The following NSUN3 variants were observed in gnomAD, a reference collection of about 807,000 sequenced individuals.
NSUN3 encodes tRNA (cytosine(34)-C(5))-methyltransferase, mitochondrial.
NSUN3 carries 24 observed loss-of-function variants against 36.8 expected under a neutral mutation model. That is an observed-to-expected ratio of 0.65 (90% confidence interval 0.47 to 0.92). The LOEUF is 0.92. NSUN3 is among the 40% of genes least tolerant of loss of function. NSUN3 has a pLI of 0.00. For missense variants in NSUN3, 381 were observed against 392.8 expected (o/e 0.97, Z 0.25); for synonymous variants, 146 against 145.2 (o/e 1.01, Z -0.04).
chr3:94,087,719 G>A (rs1482579846), intron 3 of NSUN3, among the ~76,000 whole-genome samples: 1 of 152,146 alleles, frequency 6.6e-6, no homozygotes. Flanking sequence ...TGCTCAGGCT[G>A]GAGTGCAGTG....
intron 5 of NSUN3, among the ~76,000 whole-genome samples, chr3:94,096,221 T>C (rs2077338821): frequency 6.6e-6 from 1 of 152,252 alleles, no homozygotes; most frequent in Non-Finnish European, 1.5e-5. Flanking sequence ...TTATAACCAA[T>C]ACTAATACAT....
chr3:94,098,738 G>A (rs777173681), intron 5 of NSUN3, among the ~76,000 whole-genome samples: 3 of 152,114 alleles, frequency 2.0e-5, no homozygotes, highest in Non-Finnish European at 4.4e-5. Flanking sequence ...TTCCTTGAGA[G>A]TTATTCTAAT....
intron 5 of NSUN3, among the ~76,000 whole-genome samples, chr3:94,105,953 G>C (rs2077387062): frequency 6.6e-6 from 1 of 151,730 alleles, no homozygotes; most frequent in South Asian, 2.1e-4. Flanking sequence ...TTGAAGTTAG[G>C]CAGGCCTAAT....
At position 94,127,669 on chromosome 3, in the gene NSUN3, C is replaced by T. The variant is rs1009494413; in HGVS notation, c.*1179C>T. 1 of 152,050 alleles carries T rather than the reference C, an allele frequency of 6.6e-6. No homozygotes were observed. The highest frequency in any genetic ancestry group is 1.5e-5 in the Non-Finnish European group (1 of 68,010). The allele number at this position is 152,050 out of a possible 1,614,324, so 9.4% of individuals were successfully genotyped here. ...CAGCACATCTCAAAAAATAGCATCT[C>T]TTTGGAAAATAGCCTTTAAAAAAAA... On this transcript the variant is annotated 3_prime_UTR_variant, in exon 6 of 6. Transcript: ENST00000314622.
chr3:94,079,236 A>G (rs1396052231), intron 2 of NSUN3, among the ~76,000 whole-genome samples: 1 of 152,170 alleles, frequency 6.6e-6, no homozygotes, highest in Admixed American at 6.5e-5. Flanking sequence ...TCTTTTCTTT[A>G]AGAATGTTGA....
chr3:94,091,507 A>G (rs574888014), intron 3 of NSUN3, among the ~76,000 whole-genome samples: 1 of 152,344 alleles, frequency 6.6e-6, no homozygotes, highest in Non-Finnish European at 1.5e-5. Context: ...ATATAAGACC[A>G]TGATAATGTT....
At chr3:94,076,695 G>A (rs1482829582) in intron 2 of NSUN3, 1 of 1,259,228 alleles carries the variant, frequency 7.9e-7, no homozygotes, top group South Asian at 1.2e-5. Flanking sequence ...GAAAGATCTG[G>A]TTTAGGATGT....
chr3:94,099,210 C>A (rs2077355058), intron 5 of NSUN3, among the ~76,000 whole-genome samples: 1 of 151,982 alleles, frequency 6.6e-6, no homozygotes, highest in Non-Finnish European at 1.5e-5. Context: ...TTTTACATAG[C>A]CAAAACATGG....
intron 2 of NSUN3, among the ~76,000 whole-genome samples, chr3:94,082,734 T>G (rs544951767): frequency 3.9e-5 from 6 of 152,300 alleles, no homozygotes; most frequent in East Asian, 1.9e-4. Flanking sequence ...TCAGTTGATA[T>G]GAGTTTGTGA....
intron 2 of NSUN3, chr3:94,077,036 C>T (rs1304860099): frequency 1.2e-5 from 10 of 817,336 alleles, no homozygotes; most frequent in Non-Finnish European, 1.8e-5. Context: ...AGCCACTGGG[C>T]AGTTAGGCTG....
chr3:94,098,421 A>G (rs530699182), intron 5 of NSUN3, among the ~76,000 whole-genome samples: 12 of 152,322 alleles, frequency 7.9e-5, no homozygotes, highest in African/African-American at 2.6e-4. Context: ...TCTCGTGTCA[A>G]TTATCCTTCT....
chr3:94,126,123 T>G, intron 5 of NSUN3, 88 bp from the exon 6 acceptor site: 1 of 1,134,916 alleles, frequency 8.8e-7, no homozygotes, highest in Admixed American at 2.6e-5. Context: ...GTAAGGTTAG[T>G]TTTAAGTACG....
At chr3:94,096,731 C>T (rs2077342574) in intron 5 of NSUN3, among the ~76,000 whole-genome samples, 1 of 152,090 alleles carries the variant, frequency 6.6e-6, no homozygotes, top group South Asian at 2.1e-4. Flanking sequence ...AACTCCTGAC[C>T]TCAAGTGATC....
In NSUN3 at chr3:94,091,759, C is replaced by T. The variant is rs145841248; in HGVS notation, c.467-2381C>T. On this transcript the variant is annotated intron_variant, in intron 3 of 5. Coordinates refer to ENST00000314622, the MANE Select transcript of NSUN3 (RefSeq NM_022072.5). ...AAAGTTGAATGAAAGGTGAGTAAGA[C>T]CTCTTTTCTCTGAGGCCCTTAGTAT... Among the ~76,000 whole-genome samples, 8 of 152,248 alleles carry T rather than the reference C, an allele frequency of 5.3e-5. No individual in the cohort carries two copies. The East Asian group carries it at 1.5e-3, about 29-fold the overall frequency.
chr3:94,077,133 T>G, intron 2 of NSUN3: 1 of 749,302 alleles, frequency 1.3e-6, no homozygotes, highest in Non-Finnish European at 2.5e-6. Context: ...GGATCACTCA[T>G]TCTTCCACTG....
At chr3:94,110,631 C>G (rs4857173) in intron 5 of NSUN3, among the ~76,000 whole-genome samples, 1 of 151,848 alleles carries the variant, frequency 6.6e-6, no homozygotes, top group African/African-American at 2.4e-5. Flanking sequence ...CTCTCTTCCA[C>G]GATATCATAA....
intron 5 of NSUN3, among the ~76,000 whole-genome samples, chr3:94,098,517 C>G (rs2077352546): frequency 6.6e-6 from 1 of 151,994 alleles, no homozygotes; most frequent in Admixed American, 6.6e-5. Context: ...GGGGATTTTC[C>G]AGTGAAAACC....
intron 5 of NSUN3, among the ~76,000 whole-genome samples, chr3:94,117,427 T>A (rs545813905): frequency 5.0e-4 from 76 of 152,370 alleles, no homozygotes; most frequent in Non-Finnish European, 8.2e-4. Flanking sequence ...GAGGATTTTC[T>A]GTTTGCAAAT....
Position 94,105,521 on chromosome 3 carries a change from T to A in NSUN3, c.743+10367T>A, listed in dbSNP as rs111763138. On this transcript the variant is annotated intron_variant, in intron 5 of 5. Transcript: ENST00000314622. ...ACTTCTTTAGGAAAAGATGGTCATT[T>A]TTTTTCCTCCAAAGATTTATTTAGG... Among the ~76,000 whole-genome samples, 225 of 152,310 alleles carry A rather than the reference T, an allele frequency of 1.5e-3. 1 individual carries two copies. Among genetic ancestry groups the A allele is most frequent in the Admixed American group, 6.0e-3 (92 of 15,292 alleles).
Sources: gnomAD v4.1 joint callset for allele counts (sites outside exome capture counted in the v4.1 genomes callset) on GRCh38, gnomAD v4.1.1 for gene constraint, MANE v1.5 for transcripts, NCBI Gene and HGNC (gene_info 2026-07-23, HGNC 2026-07-21) for gene names.